PLCH1: variants seen among roughly 807,000 people sequenced by gnomAD.
PLCH1 encodes the protein phospholipase C eta 1.
A neutral mutation model predicts 126.7 loss-of-function variants in PLCH1; 60 were observed. The observed-to-expected ratio is 0.47, with a 90% CI of 0.38 to 0.59. The LOEUF (loss-of-function observed/expected upper bound fraction) is 0.59. PLCH1 is among the 20% of genes least tolerant of loss of function. The pLI is 0.00. For synonymous variants in PLCH1, 719 were observed against 734.9 expected, an observed-to-expected ratio of 0.98 and a Z score of 0.35; for missense variants, 1,723 against 2,040.0, an observed-to-expected ratio of 0.84 and a Z score of 2.99.
At chr3:155,494,286 G>A in intron 16 of PLCH1, 38 bp from the exon 17 acceptor site, 1 of 1,609,118 alleles carries the variant, frequency 6.2e-7, no homozygotes, top group Admixed American at 1.7e-5. Flanking sequence ...TAGGCAAGAT[G>A]GTGGCATAGT....
At chr3:155,689,152 A>G (rs532490211) in intron 2 of PLCH1, among the ~76,000 whole-genome samples, 38 of 152,344 alleles carry the variant, frequency 2.5e-4, no homozygotes, top group African/African-American at 8.9e-4. Context: ...AAAGTAAGGG[A>G]AAAAGAACAG....
At chr3:155,738,774 G>A (rs1392356741) in intron 1 of PLCH1, among the ~76,000 whole-genome samples, 7 of 148,432 alleles carry the variant, frequency 4.7e-5, no homozygotes, top group African/African-American at 2.5e-5. Flanking sequence ...ACAACAGAGC[G>A]AGACTCCACC....
chr3:155,582,280 G>A (rs957554079), intron 6 of PLCH1, among the ~76,000 whole-genome samples: 3 of 148,822 alleles, frequency 2.0e-5, no homozygotes, highest in Non-Finnish European at 4.5e-5. Context: ...ACTGGGTTTC[G>A]CCATGTTGGC....
At chr3:155,533,602 C>G (rs1422476907) in intron 10 of PLCH1, among the ~76,000 whole-genome samples, 1 of 152,206 alleles carries the variant, frequency 6.6e-6, no homozygotes, top group African/African-American at 2.4e-5. Flanking sequence ...TTCAAGCTAG[C>G]TGCAGAAATT....
chr3:155,715,606 CTTTT>C lies in PLCH1; in HGVS notation c.-40-11346_-40-11343del, dbSNP rs763813354. 2.6e-3 allele frequency among the ~76,000 whole-genome samples: 316 copies of C among 122,728 alleles called. 12 individuals are homozygous for C. In the East Asian group the frequency reaches 0.057, roughly 22 times the overall value. The allele number at this position is 122,728 out of a possible 152,430, so 80.5% of individuals were successfully genotyped here. On this transcript the variant is annotated intron_variant, in intron 1 of 22. Transcript: ENST00000460012. ...AGGAATGAGCCACCACATCTGGCCT[CTTTT>C]TTTTTTTTTTTTTTTTTTAAGAGAC... is the stretch of plus-strand genomic sequence containing the variant.
intron 2 of PLCH1, among the ~76,000 whole-genome samples, chr3:155,624,515 CAA>C (rs1736980458): frequency 6.6e-6 from 1 of 152,112 alleles, no homozygotes; most frequent in Non-Finnish European, 1.5e-5. Context: ...TGTCTCAGCC[CAA>C]AATCTCCTTA....
At chr3:155,592,267 G>A (rs529804937) in intron 4 of PLCH1, among the ~76,000 whole-genome samples, 34 of 147,546 alleles carry the variant, frequency 2.3e-4, no homozygotes, top group Non-Finnish European at 4.2e-4. Flanking sequence ...AGCAGATCAC[G>A]AGGTCAGGAG....
chr3:155,582,191 C>G (rs1431740884), intron 6 of PLCH1, among the ~76,000 whole-genome samples: 2 of 148,644 alleles, frequency 1.3e-5, no homozygotes, highest in East Asian at 4.0e-4. Context: ...AAGCAATTCT[C>G]CCTGCCTCAG....
intron 21 of PLCH1, among the ~76,000 whole-genome samples, chr3:155,461,868 T>C (rs1712739797): frequency 6.6e-6 from 1 of 152,180 alleles, no homozygotes; most frequent in South Asian, 2.1e-4. Context: ...GATGGGCTCA[T>C]AAACAAAGTG....
intron 21 of PLCH1, among the ~76,000 whole-genome samples, chr3:155,458,385 AGAAGGAAGGAAGGAAG>A (rs781003032): frequency 0.035 from 1,356 of 38,754 alleles, 94 homozygotes; most frequent in Middle Eastern, 0.08. Context: ...AAAGAAAGAA[AGAAGGAAGGAAGGAAG>A]GAAGGAAGGA....
At chr3:155,584,419 TC>T (rs1731098791) in intron 5 of PLCH1, among the ~76,000 whole-genome samples, 1 of 152,256 alleles carries the variant, frequency 6.6e-6, no homozygotes, top group Admixed American at 6.5e-5. Context: ...CTGCTTTCCC[TC>T]CGTAGAAAAG....
chr3:155,543,891 C>A (rs1164644772), intron 10 of PLCH1, among the ~76,000 whole-genome samples: 1 of 151,976 alleles, frequency 6.6e-6, no homozygotes, highest in Non-Finnish European at 1.5e-5. Context: ...GAAGGAAGCG[C>A]TAAACATGGA....
intron 2 of PLCH1, among the ~76,000 whole-genome samples, chr3:155,618,924 G>A (rs1317560241): frequency 2.0e-5 from 3 of 152,084 alleles, no homozygotes; most frequent in Admixed American, 2.0e-4. Flanking sequence ...GCCCAACTCA[G>A]CCTGCATACC....
At chr3:155,615,927 T>A (rs556838065) in intron 2 of PLCH1, among the ~76,000 whole-genome samples, 4 of 152,128 alleles carry the variant, frequency 2.6e-5, no homozygotes, top group Non-Finnish European at 5.9e-5. Context: ...TTTTAAAAAT[T>A]AGACATTTGG....
intron 6 of PLCH1, among the ~76,000 whole-genome samples, chr3:155,569,163 A>G (rs1042313726): frequency 1.3e-5 from 2 of 152,162 alleles, no homozygotes; most frequent in Non-Finnish European, 2.9e-5. Flanking sequence ...TTCAGAAATA[A>G]TTTCTTTAAT....
rs1449054348 is a variant in PLCH1, at chr3:155,514,816, T to G, written c.1539A>C (p.Glu513Asp). ...GATCTTCTTTATCTCGAATTTGAGA[T>G]TCTTTTAACAGTGACTCCAGTTTTT... ...IRKKLESLLK[E>D]SQIRDKEDPD... Residue 513 changes from glutamate to aspartate, a missense_variant, in exon 12 of 23, where the codon GAA (glutamate) becomes GAC (aspartate). Physicochemically the swap from Glu to Asp is conservative, Grantham distance 45. This residue lies in a region of PLCH1 where 776 missense variants were observed against 1,062.9 expected (regional missense o/e 0.73). Transcript: ENST00000460012. The G allele has an allele frequency of 6.2e-7, 1 of 1,613,178 alleles. No homozygotes were observed. Among genetic ancestry groups the G allele is most frequent in the Admixed American group, 1.7e-5 (1 of 60,002 alleles).
rs144184685 is a variant in PLCH1 at position 155,726,717 on chromosome 3, C to T, written c.-41+18123G>A. ...AGATTCTTTTTTTTTTTTTTTGAGA[C>T]GGGGTCTTCACCCTGTTGCCCAGGC... On this transcript the variant is annotated intron_variant, in intron 1 of 22. Transcript: ENST00000460012. Among the ~76,000 whole-genome samples the T allele has an allele frequency of 5.0e-3, 698 of 140,708 alleles. 6 individuals are homozygous for T. Among genetic ancestry groups the T allele is most frequent in the Admixed American group, 0.022 (299 of 13,904 alleles). The allele number at this position is 140,708 out of a possible 152,430, so 92.3% of individuals were successfully genotyped here. A position where few individuals can be genotyped will look rare whatever the true frequency, so the allele number is the denominator to read the frequency against.
intron 2 of PLCH1, among the ~76,000 whole-genome samples, chr3:155,617,692 T>C (rs1607591): frequency 0.49 from 73,899 of 152,074 alleles, 20,356 homozygotes; most frequent in African/African-American, 0.74. Context: ...CGCTGGTTAC[T>C]TTACCAAGGC....
At chr3:155,734,719 T>C (rs1426017265) in intron 1 of PLCH1, among the ~76,000 whole-genome samples, 4 of 150,544 alleles carry the variant, frequency 2.7e-5, no homozygotes, top group African/African-American at 7.3e-5. Flanking sequence ...TCTTTTTTTT[T>C]TTTTTTTGAG....
Sources: gnomAD v4.1 joint callset for allele counts (sites outside exome capture counted in the v4.1 genomes callset) on GRCh38, gnomAD v4.1.1 for gene constraint, gnomAD v4.1.1 regional missense constraint, MANE v1.5 for transcripts, NCBI Gene and HGNC (gene_info 2026-07-23, HGNC 2026-07-21) for gene names.